Variants in DNMT3A observed in about 807,000 individuals in gnomAD.
The protein encoded by DNMT3A is DNA methyltransferase 3 alpha.
DNMT3A carries 267 observed loss-of-function variants against 117.6 expected under a neutral mutation model. The ratio of observed to expected loss-of-function variants is 2.27; its 90% CI spans 2.05 to 2.51. The LOEUF (loss-of-function observed/expected upper bound fraction) is 2.51. Ranked by LOEUF, DNMT3A falls within the 30% of genes most tolerant of loss-of-function variation. The pLI, the probability that DNMT3A is intolerant of heterozygous loss-of-function variation, is 0.00. For synonymous variants in DNMT3A, 432 were observed against 474.8 expected (o/e 0.91, Z 1.17); for missense variants, 1,029 against 1,260.2 (o/e 0.82, Z 2.78).
chr2:25,250,270 C>G (rs1175326930), intron 6 of DNMT3A, among the ~76,000 whole-genome samples: 1 of 152,192 alleles, frequency 6.6e-6, no homozygotes, highest in Admixed American at 6.5e-5. Context: ...TTCACTGAGT[C>G]TTCAAGTCTT....
chr2:25,308,689 G>A (rs920326741), intron 2 of DNMT3A, among the ~76,000 whole-genome samples: 5 of 152,006 alleles, frequency 3.3e-5, no homozygotes, highest in African/African-American at 4.8e-5. Context: ...TGACCTTACC[G>A]CAACCACTGT....
chr2:25,300,728 T>C (rs182396699), intron 2 of DNMT3A, among the ~76,000 whole-genome samples: 543 of 23,588 alleles, frequency 0.023, 3 homozygotes, highest in African/African-American at 0.032. Context: ...TATATATATA[T>C]ATATATATAT....
intron 3 of DNMT3A, among the ~76,000 whole-genome samples, chr2:25,284,465 G>A (rs182862034): frequency 6.6e-6 from 1 of 151,764 alleles, no homozygotes; most frequent in Non-Finnish European, 1.5e-5. Flanking sequence ...GACCAGCCTG[G>A]CCAACATGGC....
At chr2:25,292,743 TTA>T (rs2032849746) in intron 3 of DNMT3A, among the ~76,000 whole-genome samples, 1 of 152,184 alleles carries the variant, frequency 6.6e-6, no homozygotes, top group African/African-American at 2.4e-5. Flanking sequence ...TCCAACTCGC[TTA>T]TGTCTTTCTT....
intron 1 of DNMT3A, among the ~76,000 whole-genome samples, chr2:25,322,575 T>C (rs1416687248): frequency 2.1e-5 from 3 of 140,618 alleles, no homozygotes; most frequent in African/African-American, 2.7e-5. Flanking sequence ...ACTCAGCCCC[T>C]TCTCAGACCA....
At chr2:25,318,698 CTTTTT>C (rs375722790) in intron 1 of DNMT3A, among the ~76,000 whole-genome samples, 4 of 132,260 alleles carry the variant, frequency 3.0e-5, no homozygotes, top group African/African-American at 8.4e-5. Flanking sequence ...TTTTTCTTTT[CTTTTT>C]TTTTTTTTTT....
chr2:25,300,719 ATATATATATAT>A (rs1191263207), intron 2 of DNMT3A, among the ~76,000 whole-genome samples: 1 of 6,708 alleles, frequency 1.5e-4, no homozygotes, highest in African/African-American at 5.2e-4. Flanking sequence ...TATAATATAT[ATATATATATAT>A]ATATATATAT....
At position 25,257,469 on chromosome 2, in the gene DNMT3A, TTC is replaced by T. The variant is rs1676257677; in HGVS notation, c.640-9219_640-9218del. Among the ~76,000 whole-genome samples the T allele has an allele frequency of 6.6e-6, 1 of 152,164 alleles. No homozygotes were observed. Among genetic ancestry groups the T allele is most frequent in the African/African-American group, 2.4e-5 (1 of 41,430 alleles). ...ATGGCAACATCCCCCCTTCCTGTCATTCTCTCTCTCCTGGCTTCTCTGGAGGG... is the reference window on the plus strand; with the variant it reads ...ATGGCAACATCCCCCCTTCCTGTCATTCTCTCTCCTGGCTTCTCTGGAGGG... On this transcript the variant is annotated intron_variant, in intron 6 of 22. Coordinates refer to ENST00000321117, the MANE Select transcript of DNMT3A (RefSeq NM_022552.5). The surrounding 1 kb of genome is among the most constrained non-coding windows in gnomAD (Gnocchi z 4.8).
In DNMT3A at chr2:25,306,549, A is replaced by T. The variant is rs961565424; in HGVS notation, c.73-6306T>A. 2.0e-5 allele frequency among the ~76,000 whole-genome samples: 3 copies of T among 152,130 alleles called. No homozygotes were observed. The South Asian group carries it at 6.2e-4, about 32-fold the overall frequency. ...ACACAGAGGTGTTCCAGAAATGCTAAATAGCTGACAACGGTGGTGCCCATC... is the reference window on the plus strand; with the variant it reads ...ACACAGAGGTGTTCCAGAAATGCTATATAGCTGACAACGGTGGTGCCCATC... On this transcript the variant is annotated intron_variant, in intron 2 of 22. Transcript: ENST00000321117. This position sits in a 1 kb window ranked among gnomAD's most constrained non-coding sequence, Gnocchi z 4.1.
chr2:25,249,108 A>T (rs1404132333), intron 6 of DNMT3A, among the ~76,000 whole-genome samples: 1 of 152,170 alleles, frequency 6.6e-6, no homozygotes, highest in Non-Finnish European at 1.5e-5. Context: ...CTATCTTCTT[A>T]ATCAAGACTA....
chr2:25,313,454 G>T (rs2034229665), intron 2 of DNMT3A, among the ~76,000 whole-genome samples: 1 of 152,144 alleles, frequency 6.6e-6, no homozygotes, highest in African/African-American at 2.4e-5. Flanking sequence ...GTGGGCCCCC[G>T]CGGCCTCGTG....
chr2:25,250,854 T>TGGCAGC (rs1675440981), intron 6 of DNMT3A, among the ~76,000 whole-genome samples: 1 of 152,212 alleles, frequency 6.6e-6, no homozygotes. Context: ...TATCAGTTCC[T>TGGCAGC]GGCAGCGGCA....
In DNMT3A at chr2:25,283,013, G is replaced by A. The variant is rs558092138; in HGVS notation, c.178-302C>T. 3.1e-3 allele frequency among the ~76,000 whole-genome samples: 477 copies of A among 152,140 alleles called. 2 individuals carry two copies. Among genetic ancestry groups the A allele is most frequent in the South Asian group, 4.6e-3 (22 of 4,816 alleles). ...AAGGGATCGGCTCCCCCATCCCACC[G>A]CCACTCACTGAGGTTACATAGGACG... On this transcript the variant is annotated intron_variant, in intron 3 of 22. Transcript: ENST00000321117.
At position 25,244,608 on chromosome 2, in the gene DNMT3A, G is replaced by C. The variant is rs757057121; in HGVS notation, c.1599C>G (p.Tyr533Ter). Residue 533 changes from tyrosine to a stop codon, truncating the protein, a stop_gained, in exon 14 of 23, where the codon TAC becomes TAG. Transcript: ENST00000321117. LOFTEE classifies it high-confidence loss of function. Reference protein sequence around the residue: ...ECAYQYDDDGYQSYCTICCGG... With the variant: ...ECAYQYDDDG ...CACAGCAGATGGTGCAGTAGGACTG[G>C]TAGCCGTCGTCGTCGTACTGGTACG... 1.2e-6 allele frequency: 2 copies of C among 1,614,192 alleles called. No homozygotes were observed. The highest frequency in any genetic ancestry group is 1.3e-5 in the African/African-American group (1 of 75,048).
At chr2:25,246,110 C>G (rs755249097) in intron 11 of DNMT3A, 46 bp from the exon 12 acceptor site, 12 of 1,614,214 alleles carry the variant, frequency 7.4e-6, no homozygotes, top group Non-Finnish European at 1.0e-5. Flanking sequence ...GCGCCTGCTC[C>G]TCGGATGCAG....
intron 6 of DNMT3A, among the ~76,000 whole-genome samples, chr2:25,272,977 A>ATTTTTTTTTTTTTTTTTTT (rs70947875): frequency 1.0e-4 from 11 of 106,470 alleles, no homozygotes; most frequent in East Asian, 2.6e-4. Flanking sequence ...AATTGTTTGT[A>ATTTTTTTTTTTTTTTTTTT]TTTTTTTTTT....
At chr2:25,238,414 T>C (rs1278364553) in intron 20 of DNMT3A, among the ~76,000 whole-genome samples, 1 of 152,168 alleles carries the variant, frequency 6.6e-6, no homozygotes, top group African/African-American at 2.4e-5. Flanking sequence ...CAGCCCACCA[T>C]GGAGGTTTAA....
rs568641831 is a variant in DNMT3A, at chr2:25,243,232, G to A, written c.1936+666C>T. Among the ~76,000 whole-genome samples, 463 of 151,598 alleles carry A rather than the reference G, an allele frequency of 3.1e-3. 3 individuals carry two copies. Among genetic ancestry groups the A allele is most frequent in the African/African-American group, 0.011 (439 of 41,252 alleles). On this transcript the variant is annotated intron_variant, in intron 16 of 22. Coordinates refer to ENST00000321117, the MANE Select transcript of DNMT3A (RefSeq NM_022552.5). ...AGGCAGGAGAACTGCTTGAACCCAG[G>A]AGGCAGAGGTTGCAGTGGGCCAAGA...
At position 25,234,437 on chromosome 2, in the gene DNMT3A, A is replaced by G. The variant is rs763711676; in HGVS notation, c.2598-17T>C. The G allele has an allele frequency of 1.2e-6, 2 of 1,609,714 alleles. No homozygotes were observed. Among genetic ancestry groups the G allele is most frequent in the East Asian group, 2.2e-5 (1 of 44,722 alleles). The stretch of plus-strand genomic sequence containing the variant: ...CCAAATACCCTGGGGGAGAAAAGGC[A>G]GAGAGGGCAGGGTGAGTGCTGGCCA... On this transcript the variant is annotated splice_polypyrimidine_tract_variant and intron_variant, in intron 22 of 22. Coordinates refer to ENST00000321117, the MANE Select transcript of DNMT3A (RefSeq NM_022552.5). This position sits in a 1 kb window ranked among gnomAD's most constrained non-coding sequence, Gnocchi z 4.5.
Sources: gnomAD v4.1 joint callset for allele counts (sites outside exome capture counted in the v4.1 genomes callset) on GRCh38, gnomAD v4.1.1 for gene constraint, Gnocchi (gnomAD v3.1) non-coding constraint, MANE v1.5 for transcripts, NCBI Gene and HGNC (gene_info 2026-07-23, HGNC 2026-07-21) for gene names.